PRELID2: variants seen among roughly 807,000 people sequenced by gnomAD.
The protein encoded by PRELID2 is PRELI domain containing 2, also known as PRELI domain-containing protein 2.
In PRELID2, 25 loss-of-function variants were observed where a neutral mutation model predicts 28.4. That is an observed-to-expected ratio of 0.88 (90% confidence interval 0.64 to 1.23). The LOEUF is 1.23. Among genes scored for constraint, PRELID2 ranks in the 50% most tolerant of loss-of-function variants. PRELID2 has a pLI of 0.00. For missense variants in PRELID2, 201 were observed against 214.4 expected (o/e 0.94, Z 0.39); for synonymous variants, 76 against 71.6 (o/e 1.06, Z -0.31).
intron 1 of PRELID2, among the ~76,000 whole-genome samples, chr5:145,579,445 G>C (rs1461730000): frequency 1.3e-5 from 2 of 152,100 alleles, no homozygotes; most frequent in East Asian, 3.9e-4. Flanking sequence ...CCCTTGGGCA[G>C]AGCAATAATT....
chr5:145,676,058 T>C (rs1754807670), intron 1 of PRELID2, among the ~76,000 whole-genome samples: 1 of 151,556 alleles, frequency 6.6e-6, no homozygotes, highest in African/African-American at 2.4e-5. Flanking sequence ...CTGTCTCTAC[T>C]AAAAATACAA....
At chr5:145,747,378 T>A (rs1757019635) in intron 1 of PRELID2, among the ~76,000 whole-genome samples, 2 of 152,142 alleles carry the variant, frequency 1.3e-5, no homozygotes, top group African/African-American at 2.4e-5. Context: ...TAAATTACCA[T>A]CAGAGAATAC....
At chr5:145,471,290 C>T (rs1413803159), downstream of PRELID2, among the ~76,000 whole-genome samples, 1 of 152,110 alleles carries the variant, frequency 6.6e-6, no homozygotes, top group Non-Finnish European at 1.5e-5. Flanking sequence ...CTCCTTACTG[C>T]TGCACTGCTA....
chr5:145,238,019 T>C, the PRELID2 span, among the ~76,000 whole-genome samples: 1 of 152,082 alleles, frequency 6.6e-6, no homozygotes, highest in African/African-American at 2.4e-5. Flanking sequence ...CATGTGGTAA[T>C]CAGGCACCTG....
the PRELID2 span, among the ~76,000 whole-genome samples, chr5:145,288,414 A>T: frequency 2.0e-5 from 3 of 151,904 alleles, no homozygotes; most frequent in African/African-American, 7.3e-5. Flanking sequence ...TGTCCTTTTG[A>T]TGTACCCCCA....
intron 1 of PRELID2, among the ~76,000 whole-genome samples, chr5:145,660,044 T>C (rs1280963122): frequency 6.6e-6 from 1 of 152,162 alleles, no homozygotes; most frequent in Non-Finnish European, 1.5e-5. Context: ...GAGCACTTTA[T>C]CATTTTCACC....
chr5:145,579,220 T>C (rs1175375479), intron 1 of PRELID2, among the ~76,000 whole-genome samples: 6 of 152,058 alleles, frequency 3.9e-5, no homozygotes, highest in Non-Finnish European at 8.8e-5. Flanking sequence ...TATAACATGA[T>C]TATTATGCAT....
chr5:145,447,409 T>C, the PRELID2 span, among the ~76,000 whole-genome samples: 1 of 151,894 alleles, frequency 6.6e-6, no homozygotes, highest in Non-Finnish European at 1.5e-5. Flanking sequence ...CACTTGAGCT[T>C]CTTTAGTATC....
At chr5:145,585,832 A>G (rs1173907264) in intron 1 of PRELID2, among the ~76,000 whole-genome samples, 1 of 152,120 alleles carries the variant, frequency 6.6e-6, no homozygotes, top group Non-Finnish European at 1.5e-5. Context: ...CCTGGGGGCC[A>G]GAGATACCGA....
chr5:145,373,819 ATAT>A, the PRELID2 span, among the ~76,000 whole-genome samples: 3 of 87,344 alleles, frequency 3.4e-5, no homozygotes, highest in African/African-American at 9.6e-5. Flanking sequence ...ATTATATATG[ATAT>A]TATATATTAC....
At chr5:145,439,834 T>C in the PRELID2 span, among the ~76,000 whole-genome samples, 1 of 152,110 alleles carries the variant, frequency 6.6e-6, no homozygotes, top group East Asian at 1.9e-4. Context: ...ATTCATTCTT[T>C]ACATTTTATC....
downstream of PRELID2, among the ~76,000 whole-genome samples, chr5:145,471,507 A>T (rs1023311856): frequency 2.0e-5 from 3 of 152,006 alleles, no homozygotes; most frequent in Non-Finnish European, 4.4e-5. Flanking sequence ...TACATAAAAT[A>T]CTCAGTTGTC....
downstream of PRELID2, among the ~76,000 whole-genome samples, chr5:145,754,803 G>A (rs541139241): frequency 6.6e-6 from 1 of 152,180 alleles, no homozygotes; most frequent in South Asian, 2.1e-4. Context: ...GAACCCTACA[G>A]TGGCAGGCCA....
the PRELID2 span, among the ~76,000 whole-genome samples, chr5:145,262,571 A>G: frequency 6.6e-6 from 1 of 152,166 alleles, no homozygotes; most frequent in African/African-American, 2.4e-5. Context: ...GCCAAGAATT[A>G]TATATTGACT....
At chr5:145,613,794 C>T (rs529124088) in intron 1 of PRELID2, among the ~76,000 whole-genome samples, 110 of 152,172 alleles carry the variant, frequency 7.2e-4, no homozygotes, top group Non-Finnish European at 1.5e-3. Context: ...TCTGCTGTTT[C>T]TTTTGCTGTG....
the PRELID2 span, among the ~76,000 whole-genome samples, chr5:145,464,941 A>G: frequency 6.6e-6 from 1 of 152,138 alleles, no homozygotes; most frequent in Non-Finnish European, 1.5e-5. Context: ...AGCCTAAAGT[A>G]AAGTCCCTCA....
At chr5:145,535,045 T>G (rs1752687324) in intron 1 of PRELID2, among the ~76,000 whole-genome samples, 1 of 151,978 alleles carries the variant, frequency 6.6e-6, no homozygotes, top group South Asian at 2.1e-4. Flanking sequence ...TCTCTGCCAT[T>G]CCACAGAATT....
At chr5:145,498,910 G>GA (rs953719841) in intron 1 of PRELID2, among the ~76,000 whole-genome samples, 1 of 151,104 alleles carries the variant, frequency 6.6e-6, no homozygotes, top group South Asian at 2.1e-4. Context: ...ACAAAAATGA[G>GA]AAAAAAATAC....
intron 1 of PRELID2, among the ~76,000 whole-genome samples, chr5:145,604,748 GTTTT>G (rs377653737): frequency 0.09 from 9,735 of 108,750 alleles, 458 homozygotes; most frequent in Admixed American, 0.19. Flanking sequence ...GTTTTTTTTG[GTTTT>G]TTTTTTTTTT....
Sources: allele counts gnomAD v4.1 joint callset (sites outside exome capture counted in the v4.1 genomes callset), GRCh38; gene constraint gnomAD v4.1.1; transcripts MANE v1.5; gene names NCBI Gene and HGNC (gene_info 2026-07-23, HGNC 2026-07-21).